CADM2: variants seen among roughly 807,000 people sequenced by gnomAD.
CADM2 encodes the protein immunoglobulin superfamily member 4D.
CADM2 carries 12 observed loss-of-function variants against 49.8 expected under a neutral mutation model. The observed-to-expected ratio is 0.24, with a 90% CI of 0.15 to 0.39. The LOEUF (loss-of-function observed/expected upper bound fraction) is 0.39, where lower values mean the gene tolerates loss of function less well. Among genes scored for constraint, CADM2 ranks in the 10% least tolerant of loss-of-function variants. The pLI, the probability that CADM2 is intolerant of heterozygous loss-of-function variation, is 1.00. For synonymous variants in CADM2, 214 were observed against 175.4 expected (o/e 1.22, Z -1.74); for missense variants, 378 against 492.3 (o/e 0.77, Z 2.20).
chr3:85,558,095 A>G (rs1322533904), intron 1 of CADM2, among the ~76,000 whole-genome samples: 2 of 151,708 alleles, frequency 1.3e-5, no homozygotes, highest in Non-Finnish European at 2.9e-5. Context: ...CACTTCCTTG[A>G]TGTGTGTGAG....
At chr3:85,883,637 A>T (rs1282593405) in intron 4 of CADM2, among the ~76,000 whole-genome samples, 194 bp downstream of exon 4, 2 of 152,244 alleles carry the variant, frequency 1.3e-5, no homozygotes, top group African/African-American at 4.8e-5. Context: ...AGGGACAAAG[A>T]TAGATTCAAA....
Position 85,042,122 on chromosome 3 carries a change from C to A in CADM2, c.61+82454C>A, listed in dbSNP as rs563851649. On this transcript the variant is annotated intron_variant, in intron 1 of 9. Coordinates refer to ENST00000383699, the MANE Select transcript of CADM2 (RefSeq NM_001167675.2). Reference sequence around the variant, plus strand: ...GGGCCAAAAATAATTTCTCCAGCGTCTCTCCATTCTTGCGTACCCACTCTC... The same window carrying A: ...GGGCCAAAAATAATTTCTCCAGCGTATCTCCATTCTTGCGTACCCACTCTC... 4.6e-5 allele frequency among the ~76,000 whole-genome samples: 7 copies of A among 152,280 alleles called. No individual in the cohort carries two copies. In the South Asian group the frequency reaches 1.4e-3, roughly 32 times the overall value.
chr3:85,458,354 G>C (rs781752206), intron 1 of CADM2, among the ~76,000 whole-genome samples: 11 of 152,132 alleles, frequency 7.2e-5, no homozygotes, highest in Non-Finnish European at 1.3e-4. Context: ...CCTGTGGGAA[G>C]GATATCTTTG....
intron 1 of CADM2, among the ~76,000 whole-genome samples, chr3:85,545,880 T>A (rs2061659979): frequency 1.3e-5 from 2 of 152,192 alleles, no homozygotes; most frequent in Non-Finnish European, 1.5e-5. Context: ...TGATCTCAGT[T>A]TACCAGAGAT....
At chr3:85,637,255 AT>A (rs964940820) in intron 1 of CADM2, among the ~76,000 whole-genome samples, 16 of 152,156 alleles carry the variant, frequency 1.1e-4, no homozygotes, top group African/African-American at 3.1e-4. Context: ...ATTTAATTGA[AT>A]TTTTTTCTTT....
At chr3:84,978,823 A>G (rs2031990683) in intron 1 of CADM2, among the ~76,000 whole-genome samples, 1 of 152,216 alleles carries the variant, frequency 6.6e-6, no homozygotes, top group South Asian at 2.1e-4. Flanking sequence ...CATAAGAAAT[A>G]TGTTTTAGCA....
At chr3:85,877,868 A>G (rs969363077) in intron 3 of CADM2, among the ~76,000 whole-genome samples, 5 of 151,438 alleles carry the variant, frequency 3.3e-5, no homozygotes, top group Non-Finnish European at 7.4e-5. Flanking sequence ...GTAGATAGCT[A>G]TAGCTCAGGG....
At chr3:85,483,670 A>C (rs2039304414) in intron 1 of CADM2, among the ~76,000 whole-genome samples, 1 of 150,238 alleles carries the variant, frequency 6.7e-6, no homozygotes, top group Admixed American at 6.7e-5. Context: ...TATTTGATAT[A>C]TATTTTAGGA....
At chr3:85,928,427 G>A (rs544507836) in intron 6 of CADM2, among the ~76,000 whole-genome samples, 1 of 152,200 alleles carries the variant, frequency 6.6e-6, no homozygotes, top group African/African-American at 2.4e-5. Context: ...AAAGTGCTGG[G>A]ATTACAGGCG....
intron 1 of CADM2, among the ~76,000 whole-genome samples, chr3:85,480,027 G>A (rs541930647): frequency 2.3e-4 from 35 of 151,764 alleles, no homozygotes; most frequent in African/African-American, 5.1e-4. Flanking sequence ...TGTGTAGGCC[G>A]TATAACTTTA....
intron 1 of CADM2, among the ~76,000 whole-genome samples, chr3:85,676,831 C>T (rs1343672324): frequency 6.6e-6 from 1 of 152,180 alleles, no homozygotes; most frequent in Non-Finnish European, 1.5e-5. Flanking sequence ...CTTCCTTTGA[C>T]ACCACCATCG....
At chr3:85,207,785 A>T (rs1045104410) in intron 1 of CADM2, among the ~76,000 whole-genome samples, 11 of 152,138 alleles carry the variant, frequency 7.2e-5, no homozygotes, top group Admixed American at 3.3e-4. Flanking sequence ...TTTGACAAAC[A>T]TTTGGCTTAT....
At chr3:85,544,846 A>T (rs899766330) in intron 1 of CADM2, among the ~76,000 whole-genome samples, 1 of 152,024 alleles carries the variant, frequency 6.6e-6, no homozygotes, top group Non-Finnish European at 1.5e-5. Flanking sequence ...GAAAAGGAGA[A>T]AAAGGGAGGA....
intron 3 of CADM2, among the ~76,000 whole-genome samples, chr3:85,851,798 A>G (rs2075119656): frequency 6.6e-6 from 1 of 151,848 alleles, no homozygotes; most frequent in African/African-American, 2.4e-5. Context: ...CTATAGATCT[A>G]TGTATATAAG....
At chr3:85,164,575 T>C (rs2040419426) in intron 1 of CADM2, among the ~76,000 whole-genome samples, 1 of 152,044 alleles carries the variant, frequency 6.6e-6, no homozygotes, top group Admixed American at 6.6e-5. Context: ...TTTCCTCCAA[T>C]TCCTAACAGA....
chr3:85,018,893 C>G (rs373976671), intron 1 of CADM2, among the ~76,000 whole-genome samples: 1 of 152,014 alleles, frequency 6.6e-6, no homozygotes, highest in African/African-American at 2.4e-5. Flanking sequence ...CATGGCAAAC[C>G]CTCCTCCAGA....
chr3:86,039,384 C>T (rs1389842066), intron 8 of CADM2, among the ~76,000 whole-genome samples: 2 of 152,128 alleles, frequency 1.3e-5, no homozygotes, highest in African/African-American at 4.8e-5. Flanking sequence ...CACTCTCACC[C>T]TAATACTGTG....
At chr3:85,177,622 G>T (rs2040819793) in intron 1 of CADM2, among the ~76,000 whole-genome samples, 1 of 149,326 alleles carries the variant, frequency 6.7e-6, no homozygotes, top group Non-Finnish European at 1.5e-5. Context: ...GTAGTTAATT[G>T]TATAAATGTA....
intron 1 of CADM2, among the ~76,000 whole-genome samples, chr3:85,329,615 AC>A (rs1426160613): frequency 6.6e-6 from 1 of 152,092 alleles, no homozygotes; most frequent in Non-Finnish European, 1.5e-5. Context: ...AAACAAAAAA[AC>A]AAATACACAT....
Sources: gnomAD v4.1 joint callset for allele counts (sites outside exome capture counted in the v4.1 genomes callset) on GRCh38, gnomAD v4.1.1 for gene constraint, MANE v1.5 for transcripts, NCBI Gene and HGNC (gene_info 2026-07-23, HGNC 2026-07-21) for gene names.